SFI1: variants seen among roughly 807,000 people sequenced by gnomAD.
SFI1 encodes SFI1 centrin binding protein, also known as protein SFI1 homolog.
Under a neutral mutation model 207.5 loss-of-function variants are expected in SFI1, and 195 were observed. The observed-to-expected ratio is 0.94, with a 90% confidence interval of 0.84 to 1.06. SFI1 has a LOEUF of 1.06. Among genes scored for constraint, SFI1 ranks in the 50% least tolerant of loss-of-function variants. The pLI is 0.00. For synonymous variants in SFI1, 630 were observed against 598.9 expected, an observed-to-expected ratio of 1.05 and a Z score of -0.76; for missense variants, 1,634 against 1,588.0, an observed-to-expected ratio of 1.03 and a Z score of -0.49.
chr22:31,543,766 C>T (rs1463389370), intron 4 of SFI1, among the ~76,000 whole-genome samples: 2 of 149,634 alleles, frequency 1.3e-5, no homozygotes, highest in African/African-American at 2.5e-5. Context: ...GCCAAGATCG[C>T]GCCACTGCAC....
At chr22:31,507,737 G>GA (rs1488858980) in intron 1 of SFI1, among the ~76,000 whole-genome samples, 3 of 152,014 alleles carry the variant, frequency 2.0e-5, no homozygotes, top group Non-Finnish European at 2.9e-5. Flanking sequence ...GAACAAACAT[G>GA]AAAAAAAGCT....
At chr22:31,527,710 C>A (rs1447871892) in intron 2 of SFI1, among the ~76,000 whole-genome samples, 2 of 152,154 alleles carry the variant, frequency 1.3e-5, no homozygotes, top group Non-Finnish European at 2.9e-5. Context: ...TACAGTGGTA[C>A]ATGTCTGTAA....
chr22:31,615,322 C>G (rs1006913582), intron 29 of SFI1, 43 bp downstream of exon 29: 2 of 1,414,852 alleles, frequency 1.4e-6, no homozygotes, highest in Admixed American at 2.7e-5. Context: ...GGCTCTCACT[C>G]TGGTCTGACT....
chr22:31,617,096 C>T lies in SFI1; in HGVS notation c.3512+18C>T. ...AACCTCTGGTGAGCCCTGCGAAACG[C>T]CCTGCAGCCCTGGCTACAGGAGCAG... On this transcript the variant is annotated intron_variant, in intron 31 of 32. Coordinates refer to ENST00000400288, the MANE Select transcript of SFI1 (RefSeq NM_001007467.3). 1.2e-6 allele frequency: 2 copies of T among 1,613,462 alleles called. No individual in the cohort carries two copies. Among genetic ancestry groups the T allele is most frequent in the Non-Finnish European group, 1.7e-6 (2 of 1,179,698 alleles).
At chr22:31,571,298 T>A (rs144797078) in intron 8 of SFI1, among the ~76,000 whole-genome samples, 21 of 152,174 alleles carry the variant, frequency 1.4e-4, no homozygotes, top group Admixed American at 1.3e-3. Flanking sequence ...TAACCGATTG[T>A]GGTTTTTTGG....
At chr22:31,594,379 CTT>C (rs2066728842) in intron 15 of SFI1, among the ~76,000 whole-genome samples, 2 of 151,486 alleles carry the variant, frequency 1.3e-5, no homozygotes, top group African/African-American at 2.4e-5. Flanking sequence ...GAAACCCTCT[CTT>C]TACTAAAGAT....
intron 15 of SFI1, among the ~76,000 whole-genome samples, chr22:31,592,884 GGGCT>G (rs1189964098): frequency 3.1e-5 from 4 of 128,882 alleles, no homozygotes; most frequent in African/African-American, 1.3e-4. Context: ...CCTCCCGGAC[GGGCT>G]GGCTGGCCGG....
chr22:31,560,400 C>CTT (rs398061887), intron 7 of SFI1, among the ~76,000 whole-genome samples: 16,379 of 125,380 alleles, frequency 0.13, 1,580 homozygotes, highest in East Asian at 0.38. Context: ...TGGTAATACT[C>CTT]TTTTTTTTTT....
chr22:31,550,154 C>T lies in SFI1; in HGVS notation c.450-100C>T, dbSNP rs550749510. 342 of 779,832 alleles carry T rather than the reference C, an allele frequency of 4.4e-4. No homozygotes were observed. The African/African-American group carries it at 4.9e-3, about 11-fold the overall frequency. The allele number at this position is 779,832 out of a possible 1,614,324, so 48.3% of individuals were successfully genotyped here. On this transcript the variant is annotated intron_variant, in intron 5 of 32. Coordinates refer to ENST00000400288, the MANE Select transcript of SFI1 (RefSeq NM_001007467.3). ...ATATCGGCCAGGCTGGTCTTGAACT[C>T]CTTGCCTTGGCCTCCCAAAGTGCTA...
chr22:31,512,397 A>G (rs2055729051), intron 2 of SFI1, among the ~76,000 whole-genome samples: 1 of 151,828 alleles, frequency 6.6e-6, no homozygotes, highest in African/African-American at 2.4e-5. Flanking sequence ...ATTTCAGTTT[A>G]TCTATTTTGC....
At chr22:31,503,054 C>CAAAA (rs58386828) in intron 1 of SFI1, among the ~76,000 whole-genome samples, 35 of 103,106 alleles carry the variant, frequency 3.4e-4, no homozygotes, top group African/African-American at 1.1e-3. Context: ...GACTCTGTCT[C>CAAAA]AAAAAAAAAA....
chr22:31,559,769 C>A, intron 7 of SFI1: 1 of 759,566 alleles, frequency 1.3e-6, no homozygotes, highest in African/African-American at 1.7e-5. Flanking sequence ...AAAATATAGC[C>A]AGGTCCTAGC....
chr22:31,558,652 T>C (rs1427072846), intron 7 of SFI1, among the ~76,000 whole-genome samples: 2 of 152,062 alleles, frequency 1.3e-5, no homozygotes, highest in Non-Finnish European at 2.9e-5. Flanking sequence ...TAATTTTTTG[T>C]ATTTTTACTA....
intron 8 of SFI1, among the ~76,000 whole-genome samples, chr22:31,562,911 C>T (rs1030564947): frequency 9.2e-5 from 14 of 151,644 alleles, no homozygotes; most frequent in East Asian, 1.9e-4. Context: ...GTATTACAGG[C>T]GTGAGCCACC....
At chr22:31,508,475 A>G (rs1213681942) in intron 2 of SFI1, 99 bp downstream of exon 2, 1 of 812,812 alleles carries the variant, frequency 1.2e-6, no homozygotes, top group African/African-American at 1.8e-5. Context: ...TGAGTGAGGT[A>G]GTAACTGTGG....
chr22:31,502,758 T>A (rs1321693294), intron 1 of SFI1, among the ~76,000 whole-genome samples: 2 of 152,094 alleles, frequency 1.3e-5, no homozygotes, highest in African/African-American at 4.8e-5. Flanking sequence ...TCTTTTTTAT[T>A]TGTTGGAGGT....
chr22:31,532,054 C>A (rs1284234853), intron 4 of SFI1, among the ~76,000 whole-genome samples: 1 of 151,510 alleles, frequency 6.6e-6, no homozygotes, highest in African/African-American at 2.4e-5. Flanking sequence ...GAGTGAAACT[C>A]CATCTCAAAA....
intron 10 of SFI1, among the ~76,000 whole-genome samples, chr22:31,576,754 C>G (rs2063560247): frequency 6.6e-6 from 1 of 151,964 alleles, no homozygotes; most frequent in Non-Finnish European, 1.5e-5. Context: ...ATTCTCCGGC[C>G]TCAGCCCCAC....
chr22:31,576,676 G>A (rs2063548436), intron 10 of SFI1, among the ~76,000 whole-genome samples: 1 of 143,714 alleles, frequency 7.0e-6, no homozygotes, highest in East Asian at 2.1e-4. Context: ...TTTCGCTCTT[G>A]TAGCCCAAGC....
Sources: allele counts gnomAD v4.1 joint callset (sites outside exome capture counted in the v4.1 genomes callset), GRCh38; gene constraint gnomAD v4.1.1; transcripts MANE v1.5; gene names NCBI Gene and HGNC (gene_info 2026-07-23, HGNC 2026-07-21).